The following UVSSA variants were observed in gnomAD, a reference collection of about 807,000 sequenced individuals.
UVSSA encodes UV stimulated scaffold protein A.
UVSSA carries 72 observed loss-of-function variants against 73.9 expected under a neutral mutation model. The observed-to-expected ratio is 0.97, with a 90% confidence interval of 0.81 to 1.19. The LOEUF is 1.19. Ranked by LOEUF, UVSSA falls within the 50% of genes most tolerant of loss-of-function variation. The pLI is 0.00. For synonymous variants in UVSSA, 454 were observed against 391.3 expected, an observed-to-expected ratio of 1.16 and a Z score of -1.89; for missense variants, 1,150 against 965.0, an observed-to-expected ratio of 1.19 and a Z score of -2.54.
intron 7 of UVSSA, among the ~76,000 whole-genome samples, chr4:1,361,706 A>T (rs951743963): frequency 1.3e-5 from 2 of 152,264 alleles, no homozygotes; most frequent in Admixed American, 6.5e-5. Context: ...ATTAGCATAT[A>T]AATAGCAGAT....
chr4:1,371,990 A>T (rs1718101965), intron 8 of UVSSA, among the ~76,000 whole-genome samples: 1 of 152,214 alleles, frequency 6.6e-6, no homozygotes, highest in Admixed American at 6.5e-5. Flanking sequence ...AGCCCTCAGC[A>T]TGGCTTCTTA....
chr4:1,381,767 G>T (rs1719531590), intron 12 of UVSSA, among the ~76,000 whole-genome samples: 1 of 151,394 alleles, frequency 6.6e-6, no homozygotes, highest in Non-Finnish European at 1.5e-5. Context: ...GGCCTCCCAG[G>T]TTCGAGCGAT....
In UVSSA at chr4:1,371,626, C is replaced by T. The variant is rs535393436; in HGVS notation, c.1289-3738C>T. Among the ~76,000 whole-genome samples, 31 of 152,288 alleles carry T rather than the reference C, an allele frequency of 2.0e-4. No homozygotes were observed. In the South Asian group the frequency reaches 6.4e-3, roughly 32 times the overall value. ...AATCATGGTGGAAGGCAAGAAGGAG[C>T]AAGTCACATCTTAACGTGGATGGCA... On this transcript the variant is annotated intron_variant, in intron 8 of 13. Transcript: ENST00000389851.
In UVSSA at chr4:1,354,723, GCTTCT is replaced by G. The variant is rs1194565972; in HGVS notation, c.935-10_935-6del. On this transcript the variant is annotated splice_region_variant and splice_polypyrimidine_tract_variant and intron_variant, in intron 5 of 13. Transcript: ENST00000389851. The stretch of plus-strand genomic sequence containing the variant: ...CGGCGCCCTCTTGTGACCTCTGTGT[GCTTCT>G]CCCCAGAGGGCCTGAAGGTGCAGGA... 6.2e-7 allele frequency: 1 copy of G among 1,610,572 alleles called. No homozygotes were observed. The highest frequency in any genetic ancestry group is 1.3e-5 in the African/African-American group (1 of 74,952).
intron 8 of UVSSA, among the ~76,000 whole-genome samples, chr4:1,366,940 G>A (rs1717409383): frequency 6.6e-6 from 1 of 152,232 alleles, no homozygotes; most frequent in Non-Finnish European, 1.5e-5. Context: ...TTGAACTTGA[G>A]GGTTGTGGGT....
Position 1,395,610 on chromosome 4 carries a change from C to T in UVSSA, c.*9649C>T, listed in dbSNP as rs543944569. The stretch of plus-strand genomic sequence containing the variant: ...TGTGGAGTGCCCGCCTGCTCACACA[C>T]GTGCCCATGTGGAGTGCCCGCCTGC... On this transcript the variant is annotated 3_prime_UTR_variant, in exon 14 of 14. Transcript: ENST00000511216. 26 of 1,599,294 alleles carry T rather than the reference C, an allele frequency of 1.6e-5. No individual in the cohort carries two copies. In the Admixed American group the frequency reaches 2.4e-4, roughly 15 times the overall value.
intron 8 of UVSSA, among the ~76,000 whole-genome samples, chr4:1,366,973 C>T (rs60330193): frequency 0.029 from 4,381 of 152,292 alleles, 228 homozygotes; most frequent in African/African-American, 0.1. Flanking sequence ...GCTACAGGAG[C>T]TGTTGCTGGC....
exon 14 of UVSSA, chr4:1,395,712 C>T (rs372615048): frequency 1.9e-6 from 3 of 1,614,136 alleles, no homozygotes; most frequent in Middle Eastern, 1.6e-4. Flanking sequence ...ACACAAAGCC[C>T]TGGCATGGTG....
In UVSSA at chr4:1,395,275, G is replaced by A. The variant is rs148588369; in HGVS notation, c.*9314G>A. On this transcript the variant is annotated 3_prime_UTR_variant, in exon 14 of 14. Transcript: ENST00000511216. ...TGGAGTGCCCGCCTGCTCACGTGCCGATGTGGAGTGCCCGCCTGCTCACAC... is the reference window on the plus strand; with the variant it reads ...TGGAGTGCCCGCCTGCTCACGTGCCAATGTGGAGTGCCCGCCTGCTCACAC... 2.5e-5 allele frequency: 35 copies of A among 1,428,304 alleles called. 1 individual carries two copies. The East Asian group carries it at 3.5e-4, about 14-fold the overall frequency. The allele number at this position is 1,428,304 out of a possible 1,614,324, so 88.5% of individuals were successfully genotyped here.
chr4:1,380,928 C>G lies in UVSSA; in HGVS notation c.1801C>G (p.Leu601Val), dbSNP rs751422084. Residue 601 changes from leucine (L) to valine (V), a missense_variant, in exon 12 of 14, where the codon CTC (leucine) becomes GTC (valine). Transcript: ENST00000389851. ...IVPRDDEGRP[L>V]DPEDRAREQR... ...TCCACGGGACGACGAAGGACGGCCG[C>G]TCGACCCGGAAGACAGGGCTCGTGA... The G allele has an allele frequency of 6.2e-7, 1 of 1,613,056 alleles. No individual in the cohort carries two copies. Among genetic ancestry groups the G allele is most frequent in the Non-Finnish European group, 8.5e-7 (1 of 1,179,978 alleles).
rs1225392744 is a variant in UVSSA, at chr4:1,347,739, G to C, written c.-24G>C. 1 of 211,764 alleles carries C rather than the reference G, an allele frequency of 4.7e-6. No individual in the cohort carries two copies. Among genetic ancestry groups the C allele is most frequent in the Admixed American group, 5.5e-5 (1 of 18,154 alleles). The allele number at this position is 211,764 out of a possible 1,614,324, so 13.1% of individuals were successfully genotyped here. A position where few individuals can be genotyped will look rare whatever the true frequency, so the allele number is the denominator to read the frequency against. On this transcript the variant is annotated 5_prime_UTR_variant, in exon 1 of 14. Coordinates refer to ENST00000389851, the MANE Select transcript of UVSSA (RefSeq NM_020894.4). ...CCTCTTGGCCTCTGCAGCCTTGCTG[G>C]AGGCTGCCCTGCGGAATCTGAGTGA... is the stretch of plus-strand genomic sequence containing the variant.
At chr4:1,347,795 A>G (rs1231113781) in intron 1 of UVSSA, 35 bp downstream of exon 1, 1 of 333,028 alleles carries the variant, frequency 3.0e-6, no homozygotes, top group Non-Finnish European at 5.6e-6. Flanking sequence ...CACGTTGGGG[A>G]AAAGCTGATT....
chr4:1,383,702 G>C (rs886927295), intron 12 of UVSSA, 64 bp from the exon 13 acceptor site: 28 of 1,599,228 alleles, frequency 1.8e-5, no homozygotes, highest in Non-Finnish European at 2.2e-5. Context: ...CCTCCTGGGG[G>C]CCTCGGGTAA....
upstream of UVSSA, among the ~76,000 whole-genome samples, chr4:1,346,858 G>A (rs1713757179): frequency 6.6e-6 from 1 of 152,146 alleles, no homozygotes; most frequent in Non-Finnish European, 1.5e-5. Context: ...GACTTTCTGC[G>A]CCCTCCCGCC....
intron 2 of UVSSA, among the ~76,000 whole-genome samples, chr4:1,348,663 C>T (rs1714126176): frequency 6.6e-6 from 1 of 152,210 alleles, no homozygotes; most frequent in Non-Finnish European, 1.5e-5. Context: ...GGAAGCAAAA[C>T]TTCCCCTCGG....
intron 12 of UVSSA, among the ~76,000 whole-genome samples, chr4:1,381,782 G>A (rs1046884439): frequency 4.0e-5 from 6 of 149,864 alleles, no homozygotes; most frequent in Non-Finnish European, 7.4e-5. Context: ...AGCGATCCTC[G>A]TGCCTCAGCC....
intron 10 of UVSSA, among the ~76,000 whole-genome samples, chr4:1,378,465 C>T (rs368897858): frequency 3.6e-4 from 55 of 152,242 alleles, no homozygotes; most frequent in African/African-American, 1.2e-3. Context: ...GCGGGAGAAT[C>T]GCTTGAACCC....
downstream of UVSSA, chr4:1,390,143 C>G (rs933155003): frequency 1.3e-5 from 2 of 152,006 alleles, no homozygotes; most frequent in Non-Finnish European, 2.9e-5. Context: ...TTACTTCATC[C>G]CTTAAGTTCT....
chr4:1,388,999 G>C (rs1720337511), downstream of UVSSA: 1 of 152,152 alleles, frequency 6.6e-6, no homozygotes, highest in Non-Finnish European at 1.5e-5. Context: ...GTTTGTGAAA[G>C]ATTGTTGTTA....
Sources: gnomAD v4.1 joint callset for allele counts (sites outside exome capture counted in the v4.1 genomes callset) on GRCh38, gnomAD v4.1.1 for gene constraint, MANE v1.5 for transcripts, NCBI Gene and HGNC (gene_info 2026-07-23, HGNC 2026-07-21) for gene names.